Variants in ZNF451 observed in about 807,000 individuals in gnomAD.
ZNF451 encodes the protein zinc finger protein 451.
In ZNF451, 80 loss-of-function variants were observed where a neutral mutation model predicts 107.1. The observed-to-expected ratio is 0.75, with a 90% confidence interval of 0.62 to 0.90. The LOEUF (loss-of-function observed/expected upper bound fraction) is 0.90, where lower values mean the gene tolerates loss of function less well. Ranked by LOEUF, ZNF451 falls within the 40% of genes least tolerant of loss-of-function variation. The pLI is 0.00. For missense variants in ZNF451, 1,107 were observed against 1,236.2 expected (o/e 0.90, Z 1.57); for synonymous variants, 362 against 406.5 (o/e 0.89, Z 1.32).
At chr6:57,167,307 G>A (rs1012158643) in intron 14 of ZNF451, among the ~76,000 whole-genome samples, 6 of 152,078 alleles carry the variant, frequency 3.9e-5, no homozygotes, top group Non-Finnish European at 8.8e-5. Flanking sequence ...GCATGGGTCT[G>A]TTTCTGAGCT....
intron 3 of ZNF451, chr6:57,108,583 C>T (rs1042995768): frequency 1.0e-6 from 1 of 985,204 alleles, no homozygotes; most frequent in Non-Finnish European, 1.2e-6. Context: ...TCCTTTTTGC[C>T]TTCAGTAGAA....
chr6:57,113,621 T>A lies in ZNF451; in HGVS notation c.187-11113T>A, dbSNP rs866562178. On this transcript the variant is annotated intron_variant, in intron 3 of 14. Coordinates refer to ENST00000370706, the MANE Select transcript of ZNF451 (RefSeq NM_001031623.3). ...TCATGGGTCTTCTGAGAAAAAAAAA[T>A]TTTTTTTTTTTTTTTTTTGAGATGG... 5.8e-4 allele frequency among the ~76,000 whole-genome samples: 78 copies of A among 134,094 alleles called. No individual in the cohort carries two copies. In the South Asian group the frequency reaches 6.0e-3, roughly 10 times the overall value. 88.0% of individuals were successfully genotyped at this position (134,094 alleles called of 152,430 possible). A position where few individuals can be genotyped will look rare whatever the true frequency, so the allele number is the denominator to read the frequency against.
chr6:57,092,266 A>G (rs1457528777), intron 2 of ZNF451, among the ~76,000 whole-genome samples: 2 of 152,238 alleles, frequency 1.3e-5, no homozygotes, highest in Non-Finnish European at 2.9e-5. Context: ...TGTGTAATGA[A>G]TTACAGTGTA....
intron 2 of ZNF451, among the ~76,000 whole-genome samples, chr6:57,095,449 C>A (rs982774896): frequency 6.6e-6 from 1 of 151,048 alleles, no homozygotes; most frequent in East Asian, 2.0e-4. Flanking sequence ...TCTGCTGCCT[C>A]AGCCTCCCAA....
At chr6:57,154,830 T>C (rs566051735) in intron 13 of ZNF451, among the ~76,000 whole-genome samples, 2 of 152,134 alleles carry the variant, frequency 1.3e-5, no homozygotes, top group South Asian at 2.1e-4. Context: ...TAATGAAAAA[T>C]AGTGGCTTTT....
At position 57,151,864 on chromosome 6, in the gene ZNF451, T is replaced by A. The variant is rs182090412; in HGVS notation, c.2753-357T>A. On this transcript the variant is annotated intron_variant, in intron 11 of 14. Coordinates refer to ENST00000370706, the MANE Select transcript of ZNF451 (RefSeq NM_001031623.3). The stretch of plus-strand genomic sequence containing the variant: ...GTATAATTGCTTTAGTAAGTTGAGC[T>A]TTGGTGATTGCCCATCATTTCTGCA... The A allele has an allele frequency of 1.7e-4, 29 of 165,784 alleles. 1 individual carries two copies. In the East Asian group the frequency reaches 4.6e-3, roughly 26 times the overall value. The allele number at this position is 165,784 out of a possible 1,614,324, so 10.3% of individuals were successfully genotyped here. A position where few individuals can be genotyped will look rare whatever the true frequency, so the allele number is the denominator to read the frequency against.
intron 3 of ZNF451, chr6:57,102,113 C>T (rs1284542750): frequency 6.8e-7 from 1 of 1,478,012 alleles, no homozygotes; most frequent in African/African-American, 1.4e-5. Context: ...GTTTAATGTT[C>T]AGCAGAGTAG....
At position 57,123,672 on chromosome 6, in the gene ZNF451, GA is replaced by G. The variant is rs929301156; in HGVS notation, c.187-1051del. Reference sequence around the variant, plus strand: ...GTACCCTTGAATGTGAAATAAAAATGAAAAAAAAAAAGTTTTATGTGTTATT... The same window carrying G: ...GTACCCTTGAATGTGAAATAAAAATGAAAAAAAAAAGTTTTATGTGTTATT... On this transcript the variant is annotated intron_variant, in intron 3 of 14. Coordinates refer to ENST00000370706, the MANE Select transcript of ZNF451 (RefSeq NM_001031623.3). Among the ~76,000 whole-genome samples the G allele has an allele frequency of 2.7e-3, 389 of 143,006 alleles. 2 individuals carry two copies. Among genetic ancestry groups the G allele is most frequent in the African/African-American group, 6.6e-3 (257 of 38,980 alleles). 93.8% of individuals were successfully genotyped at this position (143,006 alleles called of 152,430 possible).
At chr6:57,096,585 G>A (rs951722291) in intron 2 of ZNF451, among the ~76,000 whole-genome samples, 1 of 130,128 alleles carries the variant, frequency 7.7e-6, no homozygotes, top group Non-Finnish European at 1.6e-5. Context: ...CTCTGCCTCT[G>A]TGTATTTCTG....
rs767478704 is a variant in ZNF451 at position 57,147,304 on chromosome 6, G to A, written c.1219G>A (p.Gly407Arg). The A allele has an allele frequency of 6.2e-7, 1 of 1,614,062 alleles. No homozygotes were observed. Among genetic ancestry groups the A allele is most frequent in the Non-Finnish European group, 8.5e-7 (1 of 1,179,996 alleles). ...SVLLYCHSSEGNKDPSSDLHL... is the reference protein window; with the variant it reads ...SVLLYCHSSERNKDPSSDLHL... Reference sequence around the variant, plus strand: ...CTTACTCTATTGCCACAGCAGCGAAGGGAACAAGGATCCTTCTTCTGACTT... The same window carrying A: ...CTTACTCTATTGCCACAGCAGCGAAAGGAACAAGGATCCTTCTTCTGACTT... Residue 407 changes from glycine (G) to arginine (R), a missense_variant, in exon 10 of 15, where the codon GGG becomes AGG. This residue lies in a region of ZNF451 where 608 missense variants were observed against 649.2 expected (regional missense o/e 0.94). Transcript: ENST00000370706.
intron 3 of ZNF451, among the ~76,000 whole-genome samples, chr6:57,114,222 A>G (rs1830257895): frequency 6.6e-6 from 1 of 152,222 alleles, no homozygotes; most frequent in Non-Finnish European, 1.5e-5. Context: ...CCTGCTTTCT[A>G]TATTTACATT....
At chr6:57,130,416 T>G (rs896719303) in intron 5 of ZNF451, among the ~76,000 whole-genome samples, 11 of 152,184 alleles carry the variant, frequency 7.2e-5, no homozygotes, top group Admixed American at 2.6e-4. Context: ...GGTGTCATCT[T>G]TGCTGCGTCA....
rs541588995 is a variant in ZNF451, at chr6:57,106,016, A to G, written c.186+6875A>G. On this transcript the variant is annotated intron_variant, in intron 3 of 14. Coordinates refer to ENST00000370706, the MANE Select transcript of ZNF451 (RefSeq NM_001031623.3). ...TCAGGCTACTTGGACAGTATTTAGT[A>G]TTCTATATTAGTACTACACTAATAA... 6.5e-4 allele frequency: 636 copies of G among 981,310 alleles called. 1 individual carries two copies. Among genetic ancestry groups the G allele is most frequent in the Non-Finnish European group, 7.5e-4 (623 of 826,268 alleles). 60.8% of individuals were successfully genotyped at this position (981,310 alleles called of 1,614,324 possible). A position where few individuals can be genotyped will look rare whatever the true frequency, so the allele number is the denominator to read the frequency against.
chr6:57,160,724 G>C (rs1472055904), intron 13 of ZNF451: 4 of 163,474 alleles, frequency 2.4e-5, no homozygotes, highest in African/African-American at 4.8e-5. Flanking sequence ...CAAATTTTAA[G>C]TGAGTTTTGC....
intron 3 of ZNF451, 115 bp from the exon 4 acceptor site, chr6:57,124,619 G>A (rs891692841): frequency 1.3e-5 from 10 of 781,282 alleles, no homozygotes; most frequent in Non-Finnish European, 2.1e-5. Context: ...ACACAAAATA[G>A]GTTCTTATAA....
At chr6:57,141,202 T>A in intron 7 of ZNF451, 100 bp from the exon 8 acceptor site, 1 of 956,904 alleles carries the variant, frequency 1.0e-6, no homozygotes, top group Non-Finnish European at 1.5e-6. Flanking sequence ...TGATACAGGA[T>A]ATTGCGAATA....
At chr6:57,109,909 G>A (rs887674440) in intron 3 of ZNF451, among the ~76,000 whole-genome samples, 1 of 152,166 alleles carries the variant, frequency 6.6e-6, no homozygotes, top group Non-Finnish European at 1.5e-5. Flanking sequence ...TGTGCAGGCA[G>A]GTATTGAGAA....
At chr6:57,155,870 A>C (rs2127984831) in intron 13 of ZNF451, among the ~76,000 whole-genome samples, 1 of 148,508 alleles carries the variant, frequency 6.7e-6, no homozygotes, top group East Asian at 2.0e-4. Context: ...CATTTGAACT[A>C]ACTACTCTCT....
At position 57,161,165 on chromosome 6, in the gene ZNF451, A is replaced by G. The variant is rs544415739; in HGVS notation, c.3139+13A>G. On this transcript the variant is annotated intron_variant, in intron 14 of 14. Coordinates refer to ENST00000370706, the MANE Select transcript of ZNF451 (RefSeq NM_001031623.3). ...ATATCCACAGAAGGTAACCTAATAGAGTTAATCTCTTTTCTACTTGACTGT... is the reference window on the plus strand; with the variant it reads ...ATATCCACAGAAGGTAACCTAATAGGGTTAATCTCTTTTCTACTTGACTGT... 8 of 1,431,534 alleles carry G rather than the reference A, an allele frequency of 5.6e-6. No individual in the cohort carries two copies. The highest frequency in any genetic ancestry group is 7.4e-6 in the Non-Finnish European group (8 of 1,074,190). 88.7% of individuals were successfully genotyped at this position (1,431,534 alleles called of 1,614,324 possible). A position where few individuals can be genotyped will look rare whatever the true frequency, so the allele number is the denominator to read the frequency against.
Sources: gnomAD v4.1 joint callset for allele counts (sites outside exome capture counted in the v4.1 genomes callset) on GRCh38, gnomAD v4.1.1 for gene constraint, gnomAD v4.1.1 regional missense constraint, MANE v1.5 for transcripts, NCBI Gene and HGNC (gene_info 2026-07-23, HGNC 2026-07-21) for gene names.